The following GINS3 variants were observed in gnomAD, a reference collection of about 807,000 sequenced individuals.
GINS3 encodes GINS complex subunit 3.
A neutral mutation model predicts 20.0 loss-of-function variants in GINS3; 18 were observed. The ratio of observed to expected loss-of-function variants is 0.90; its 90% CI spans 0.62 to 1.33. The LOEUF is 1.33. GINS3 is among the 40% of genes most tolerant of loss of function. GINS3 has a pLI of 0.00. For missense variants in GINS3, 254 were observed against 273.6 expected, an observed-to-expected ratio of 0.93 and a Z score of 0.51; for synonymous variants, 109 against 107.0, an observed-to-expected ratio of 1.02 and a Z score of -0.12.
At chr16:58,392,929 C>A in intron 1 of GINS3, 142 bp downstream of exon 1, 1 of 852,262 alleles carries the variant, frequency 1.2e-6, no homozygotes, top group Non-Finnish European at 1.7e-6. Flanking sequence ...CTAACGACTT[C>A]TCGGAAACTC....
intron 1 of GINS3, among the ~76,000 whole-genome samples, chr16:58,398,086 A>G (rs1336875858): frequency 6.6e-6 from 1 of 151,848 alleles, no homozygotes; most frequent in Non-Finnish European, 1.5e-5. Context: ...TAGGTCATTA[A>G]TTTTTTAATT....
At chr16:58,396,167 C>T (rs1965853792) in intron 1 of GINS3, among the ~76,000 whole-genome samples, 2 of 121,768 alleles carry the variant, frequency 1.6e-5, no homozygotes, top group African/African-American at 3.3e-5. Context: ...TTGGACGGGG[C>T]GGCTGGCCGG....
chr16:58,395,769 C>CT (rs1965845898), intron 1 of GINS3, among the ~76,000 whole-genome samples: 2 of 152,198 alleles, frequency 1.3e-5, no homozygotes, highest in Admixed American at 1.3e-4. Flanking sequence ...ATTTCTCAAT[C>CT]TTTTCCCCAC....
In GINS3 at chr16:58,403,183, T is replaced by G. The variant is rs891564092; in HGVS notation, c.272T>G (p.Ile91Ser). 10 of 1,614,088 alleles carry G rather than the reference T, an allele frequency of 6.2e-6. No homozygotes were observed. Among genetic ancestry groups the G allele is most frequent in the East Asian group, 2.2e-5 (1 of 44,890 alleles). The change falls in exon 2 of 3, where the codon ATC becomes AGC. Residue 91 changes from isoleucine to serine, a missense_variant. Coordinates refer to ENST00000318129, the MANE Select transcript of GINS3 (RefSeq NM_022770.4). ...RRILSVELPK[I>S]YQEGWRTVFS... is the part of the protein sequence containing the mutation. ...ATCCTTTCTGTGGAACTCCCCAAGA[T>G]CTACCAAGAGGGTTGGAGGACTGTG...
chr16:58,403,017 G>A (rs1965977263), intron 1 of GINS3, 81 bp from the exon 2 acceptor site: 4 of 1,110,714 alleles, frequency 3.6e-6, no homozygotes, highest in Non-Finnish European at 5.4e-6. Flanking sequence ...TATTGCGCAG[G>A]CGATGTGTAT....
At chr16:58,398,932 C>T (rs1469868482) in intron 1 of GINS3, among the ~76,000 whole-genome samples, 2 of 152,064 alleles carry the variant, frequency 1.3e-5, no homozygotes, top group African/African-American at 2.4e-5. Context: ...ATAAATAATC[C>T]GTATGTGTAA....
At chr16:58,395,547 G>A (rs1360109481) in intron 1 of GINS3, among the ~76,000 whole-genome samples, 3 of 151,976 alleles carry the variant, frequency 2.0e-5, no homozygotes, top group East Asian at 1.9e-4. Context: ...CGAGCATGCT[G>A]CCTTCAAGCA....
intron 1 of GINS3, 23 bp downstream of exon 1, chr16:58,392,810 C>A: frequency 6.4e-7 from 1 of 1,567,248 alleles, no homozygotes; most frequent in East Asian, 2.3e-5. Flanking sequence ...GTGCGGGGTC[C>A]TGCCCGGAAA....
rs116835741 is a variant in GINS3 at position 58,394,878 on chromosome 16, A to G, written c.186+2091A>G. Among the ~76,000 whole-genome samples the G allele has an allele frequency of 5.1e-3, 773 of 152,292 alleles. 6 individuals are homozygous for G. Among genetic ancestry groups the G allele is most frequent in the African/African-American group, 0.016 (676 of 41,552 alleles). ...GAAGTCATTATCACTGTCACACTGAAGGAGTAGGGAGTTATGTTCCACTTC... is the reference window on the plus strand; with the variant it reads ...GAAGTCATTATCACTGTCACACTGAGGGAGTAGGGAGTTATGTTCCACTTC... On this transcript the variant is annotated intron_variant, in intron 1 of 2. Transcript: ENST00000318129.
Position 58,404,549 on chromosome 16 carries a change from C to A in GINS3, c.471C>A (p.Tyr157Ter), listed in dbSNP as rs1966001963. 1 of 1,614,132 alleles carries A rather than the reference C, an allele frequency of 6.2e-7. No homozygotes were observed. Among genetic ancestry groups the A allele is most frequent in the East Asian group, 2.2e-5 (1 of 44,886 alleles). ...TCATGGACTCCTCACAGAATGCTTA[C>A]AACGAAGACACTTCAGCCCTGGTAG... ...RRIMDSSQNA[Y>*]NEDTSALVAR... The change falls in exon 3 of 3, where the codon TAC becomes TAA. Residue 157 changes from tyrosine to a stop codon, truncating the protein, a stop_gained. Coordinates refer to ENST00000318129, the MANE Select transcript of GINS3 (RefSeq NM_022770.4). LOFTEE classifies it high-confidence loss of function.
Position 58,392,598 on chromosome 16 carries a change from C to A in GINS3, c.-4C>A, listed in dbSNP as rs1296744583. ...GTGGAAGCGGAGAAGCTCAAGTGGC[C>A]GCCATGTCAGAGGCTTATTTCCGAG... On this transcript the variant is annotated 5_prime_UTR_variant, in exon 1 of 3. Coordinates refer to ENST00000318129, the MANE Select transcript of GINS3 (RefSeq NM_022770.4). 1 of 1,613,438 alleles carries A rather than the reference C, an allele frequency of 6.2e-7. No individual in the cohort carries two copies. The highest frequency in any genetic ancestry group is 8.5e-7 in the Non-Finnish European group (1 of 1,179,546).
At chr16:58,395,051 A>G in intron 1 of GINS3, 1 of 533,128 alleles carries the variant, frequency 1.9e-6, no homozygotes, top group Non-Finnish European at 3.3e-6. Flanking sequence ...TTGGTTTTTA[A>G]CTAAAACTTT....
chr16:58,397,049 G>A (rs1377961219), intron 1 of GINS3, among the ~76,000 whole-genome samples: 2 of 150,174 alleles, frequency 1.3e-5, no homozygotes, highest in Admixed American at 1.3e-4. Context: ...GGACAGGGCG[G>A]CTGGCCGGGC....
In GINS3 at chr16:58,406,045, C is replaced by T. The variant is rs547287598; in HGVS notation, c.*1316C>T. 1 of 152,338 alleles carries T rather than the reference C, an allele frequency of 6.6e-6. No homozygotes were observed. Among genetic ancestry groups the T allele is most frequent in the South Asian group, 2.1e-4 (1 of 4,830 alleles). 9.4% of individuals were successfully genotyped at this position (152,338 alleles called of 1,614,324 possible). On this transcript the variant is annotated 3_prime_UTR_variant, in exon 3 of 3. Coordinates refer to ENST00000318129, the MANE Select transcript of GINS3 (RefSeq NM_022770.4). Reference sequence around the variant, plus strand: ...GATTGGCTTTGTACATGAATATGTTCTGTACAAGTGCTCTTTCACTAGTAC... The same window carrying T: ...GATTGGCTTTGTACATGAATATGTTTTGTACAAGTGCTCTTTCACTAGTAC...
rs767273871 is a variant in GINS3, at chr16:58,403,307, A to G, written c.396A>G (p.Ala132=). 3.7e-6 allele frequency: 6 copies of G among 1,613,994 alleles called. No homozygotes were observed. The highest frequency in any genetic ancestry group is 1.7e-5 in the Admixed American group (1 of 60,018). Residue 132 remains alanine (A), a synonymous_variant, in exon 2 of 3, where the codon GCA becomes GCG. Transcript: ENST00000318129. ...TGCATTTTGACAGTCCCGAGAATGC[A>G]GACATTTCCCAGTCTCTGCTGCAGG... The part of the protein sequence containing the change: ...QLLHFDSPEN[A]DISQSLLQTF...
chr16:58,395,907 G>C (rs1254794634), intron 1 of GINS3, among the ~76,000 whole-genome samples: 1 of 151,780 alleles, frequency 6.6e-6, no homozygotes, highest in Non-Finnish European at 1.5e-5. Flanking sequence ...AGTAGGGGCG[G>C]CCGGGCAGAG....
intron 1 of GINS3, chr16:58,395,251 T>A (rs1965835678): frequency 3.2e-6 from 1 of 308,672 alleles, no homozygotes; most frequent in East Asian, 4.9e-5. Flanking sequence ...AATTTTTGTA[T>A]TTTTTTTTTG....
intron 1 of GINS3, among the ~76,000 whole-genome samples, chr16:58,399,191 A>G (rs925590370): frequency 6.6e-5 from 10 of 151,724 alleles, no homozygotes; most frequent in African/African-American, 1.9e-4. Flanking sequence ...GCACATGCCT[A>G]TAGTCCCACC....
At chr16:58,403,853 C>T (rs1442676094) in intron 2 of GINS3, 1 of 160,454 alleles carries the variant, frequency 6.2e-6, no homozygotes, top group Non-Finnish European at 1.4e-5. Context: ...TGGGTTGTTT[C>T]CTTCCTTTGT....
Sources: allele counts gnomAD v4.1 joint callset (sites outside exome capture counted in the v4.1 genomes callset), GRCh38; gene constraint gnomAD v4.1.1; transcripts MANE v1.5; gene names NCBI Gene and HGNC (gene_info 2026-07-23, HGNC 2026-07-21).